Variants in ZNF469 observed in about 807,000 individuals in gnomAD.
The protein encoded by ZNF469 is zinc finger protein 469.
Under a neutral mutation model 1.0 loss-of-function variants are expected in ZNF469, and 1 was observed. The observed-to-expected ratio is 1.00, with a 90% CI of 0.35 to 4.73. The LOEUF (loss-of-function observed/expected upper bound fraction) is 4.73. Ranked by LOEUF, ZNF469 falls within the 30% of genes most tolerant of loss-of-function variation. The pLI is 0.16. For synonymous variants in ZNF469, 2,703 were observed against 2,363.4 expected (o/e 1.14, Z -4.17); for missense variants, 6,100 against 5,356.3 (o/e 1.14, Z -4.33).
At chr16:88,247,218 GTGA>G in the ZNF469 span, among the ~76,000 whole-genome samples, 1 of 151,176 alleles carries the variant, frequency 6.6e-6, no homozygotes, top group Non-Finnish European at 1.5e-5. Flanking sequence ...GAGGGAATAA[GTGA>G]GTGAATGAGG....
At chr16:88,272,592 T>TG in the ZNF469 span, among the ~76,000 whole-genome samples, 6 of 131,124 alleles carry the variant, frequency 4.6e-5, no homozygotes, top group African/African-American at 1.7e-4. Flanking sequence ...ATGAACAGGT[T>TG]GGTGTATGGA....
chr16:88,278,946 C>A, the ZNF469 span, among the ~76,000 whole-genome samples: 9 of 149,704 alleles, frequency 6.0e-5, 1 homozygote, highest in Non-Finnish European at 1.2e-4. Context: ...CGGTCAGTAG[C>A]GTGTAGATAT....
the ZNF469 span, among the ~76,000 whole-genome samples, chr16:88,327,840 G>A: frequency 1.1e-4 from 17 of 152,196 alleles, no homozygotes; most frequent in South Asian, 4.1e-4. Context: ...AAAACCGGCC[G>A]GATCCCGAGT....
chr16:88,155,596 A>G, the ZNF469 span, among the ~76,000 whole-genome samples: 1 of 152,126 alleles, frequency 6.6e-6, no homozygotes, highest in African/African-American at 2.4e-5. Context: ...CTTTCACTCC[A>G]AATGGCGTTC....
upstream of ZNF469, among the ~76,000 whole-genome samples, chr16:88,378,362 C>A (rs2092514140): frequency 6.6e-6 from 1 of 152,196 alleles, no homozygotes; most frequent in Non-Finnish European, 1.5e-5. Flanking sequence ...AAATCCCAGG[C>A]TGGTAAAATA....
At chr16:88,393,215 G>A (rs918266427) in intron 1 of ZNF469, among the ~76,000 whole-genome samples, 7 of 152,278 alleles carry the variant, frequency 4.6e-5, no homozygotes, top group East Asian at 3.8e-4. Flanking sequence ...CCCTCCCAGC[G>A]GAAGAAAAGC....
the ZNF469 span, among the ~76,000 whole-genome samples, chr16:88,313,354 T>A: frequency 6.6e-6 from 1 of 152,252 alleles, no homozygotes; most frequent in Non-Finnish European, 1.5e-5. Context: ...TTTTCTCTGC[T>A]CTTTTTCAAT....
In ZNF469 at chr16:88,430,158, A is replaced by C; in HGVS notation, c.2688A>C (p.Lys896Asn). 6.5e-7 allele frequency: 1 copy of C among 1,549,552 alleles called. No homozygotes were observed. Among genetic ancestry groups the C allele is most frequent in the Non-Finnish European group, 8.7e-7 (1 of 1,146,484 alleles). The part of the protein sequence containing the change: ...KSKAGVTPES[K>N]APPPLPAATP... ...AGGCGGGGGTGACTCCAGAGAGCAAAGCTCCGCCCCCGCTCCCAGCAGCCA... is the reference window on the plus strand; with the variant it reads ...AGGCGGGGGTGACTCCAGAGAGCAACGCTCCGCCCCCGCTCCCAGCAGCCA... The change falls in exon 3 of 3, where the codon AAA (lysine) becomes AAC (asparagine). Residue 896 changes from lysine (K) to asparagine (N), a missense_variant. Lys to Asn is a moderately conservative substitution (Grantham distance 94). Coordinates refer to ENST00000565624, the MANE Select transcript of ZNF469 (RefSeq NM_001367624.2).
chr16:88,329,723 CG>C, the ZNF469 span, among the ~76,000 whole-genome samples: 1 of 152,150 alleles, frequency 6.6e-6, no homozygotes, highest in Admixed American at 6.5e-5. Context: ...GGAAAGGGGA[CG>C]GGGGTCAAGG....
At chr16:88,364,489 CAAAAAAAAA>C in the ZNF469 span, among the ~76,000 whole-genome samples, 27 of 56,144 alleles carry the variant, frequency 4.8e-4, no homozygotes, top group African/African-American at 9.4e-4. Flanking sequence ...TGTTGATTTC[CAAAAAAAAA>C]AAAAAAAAAA....
chr16:88,432,615 G>T lies in ZNF469; in HGVS notation c.5145G>T (p.Arg1715Ser), dbSNP rs577775261. The change falls in exon 3 of 3, where the codon AGG (arginine) becomes AGT (serine). Residue 1715 changes from arginine (R) to serine (S), a missense_variant. By Grantham distance (110) the Arg-to-Ser change is moderately radical (BLOSUM62 -1). Coordinates refer to ENST00000565624, the MANE Select transcript of ZNF469 (RefSeq NM_001367624.2). Reference sequence around the variant, plus strand: ...TTTGCCAGGCAGAAGGAGACAGCAGGCCCCCCCAAGATGTCTGCCTGCCTG... The same window carrying T: ...TTTGCCAGGCAGAAGGAGACAGCAGTCCCCCCCAAGATGTCTGCCTGCCTG... ...TGLCQAEGDS[R>S]PPQDVCLPEP... The T allele has an allele frequency of 1.3e-6, 2 of 1,550,326 alleles. No homozygotes were observed. The highest frequency in any genetic ancestry group is 8.7e-7 in the Non-Finnish European group (1 of 1,146,962).
chr16:88,229,581 ATGTCACGCGTGTGGATGTCACG>A, the ZNF469 span, among the ~76,000 whole-genome samples: 25 of 142,824 alleles, frequency 1.8e-4, no homozygotes, highest in Non-Finnish European at 2.9e-4. Context: ...TTGTGCGCTG[ATGTCACGCGTGTGGATGTCACG>A]CGTGTGTGCT....
At chr16:88,232,954 C>T in the ZNF469 span, among the ~76,000 whole-genome samples, 1 of 152,222 alleles carries the variant, frequency 6.6e-6, no homozygotes, top group Non-Finnish European at 1.5e-5. Context: ...CCTGCATGGC[C>T]ACCTCCAGCC....
intron 1 of ZNF469, among the ~76,000 whole-genome samples, chr16:88,402,165 G>A (rs1417332766): frequency 6.6e-6 from 1 of 151,950 alleles, no homozygotes; most frequent in Non-Finnish European, 1.5e-5. Context: ...ATGGAGAGAT[G>A]GTGGATGGAT....
the ZNF469 span, among the ~76,000 whole-genome samples, chr16:88,303,532 C>A: frequency 6.6e-6 from 1 of 152,230 alleles, no homozygotes; most frequent in Non-Finnish European, 1.5e-5. Flanking sequence ...GAGGAACATT[C>A]TACTTGTGCT....
At chr16:88,242,764 C>T in the ZNF469 span, among the ~76,000 whole-genome samples, 1,005 of 152,310 alleles carry the variant, frequency 6.6e-3, 2 homozygotes, top group South Asian at 0.019. Context: ...GAGGCATCTC[C>T]GGCACATGGG....
At chr16:88,135,756 T>A in the ZNF469 span, among the ~76,000 whole-genome samples, 8,533 of 22,468 alleles carry the variant, frequency 0.38, 1,836 homozygotes, top group Admixed American at 0.56. Flanking sequence ...ATGTTTTTTT[T>A]TTTTTTTTTT....
At chr16:88,245,346 A>C in the ZNF469 span, among the ~76,000 whole-genome samples, 2 of 152,234 alleles carry the variant, frequency 1.3e-5, no homozygotes, top group Non-Finnish European at 2.9e-5. Context: ...GCTGTTTCTC[A>C]TGGTCTGCTG....
chr16:88,315,303 T>C, the ZNF469 span, among the ~76,000 whole-genome samples: 3 of 152,152 alleles, frequency 2.0e-5, no homozygotes, highest in Non-Finnish European at 4.4e-5. Context: ...GGCACGGCAC[T>C]GGCCCCAGAC....
Sources: allele counts gnomAD v4.1 joint callset (sites outside exome capture counted in the v4.1 genomes callset), GRCh38; gene constraint gnomAD v4.1.1; transcripts MANE v1.5; gene names NCBI Gene and HGNC (gene_info 2026-07-23, HGNC 2026-07-21).